The following MCPH1 variants were observed in gnomAD, a reference collection of about 807,000 sequenced individuals.
The protein encoded by MCPH1 is microcephalin.
MCPH1 carries 104 observed loss-of-function variants against 84.5 expected under a neutral mutation model. The ratio of observed to expected loss-of-function variants is 1.23; its 90% CI spans 1.05 to 1.45. The LOEUF is 1.45. MCPH1 is among the 40% of genes most tolerant of loss of function. The probability of loss-of-function intolerance (pLI) is 0.00; values close to 1 mark genes in which losing one functional copy is unlikely to be tolerated. For missense variants in MCPH1, 1,498 were observed against 1,005.7 expected (o/e 1.49, Z -6.62); for synonymous variants, 514 against 366.8 (o/e 1.40, Z -4.58).
chr8:6,524,394 C>T (rs1817947570), intron 12 of MCPH1, among the ~76,000 whole-genome samples: 1 of 152,210 alleles, frequency 6.6e-6, no homozygotes, highest in African/African-American at 2.4e-5. Context: ...AGCAGAGAAA[C>T]ATTATTTTCC....
At chr8:6,449,011 C>G (rs562842229) in intron 8 of MCPH1, among the ~76,000 whole-genome samples, 68 of 152,190 alleles carry the variant, frequency 4.5e-4, no homozygotes, top group African/African-American at 1.6e-3. Flanking sequence ...GGAATAATAA[C>G]ATTTCATTTA....
intron 12 of MCPH1, among the ~76,000 whole-genome samples, chr8:6,541,494 G>A (rs1388762350): frequency 6.6e-6 from 1 of 152,170 alleles, no homozygotes; most frequent in African/African-American, 2.4e-5. Context: ...GGAAACCAAA[G>A]CCAGGGTTGT....
chr8:6,519,617 T>C (rs1318687811), intron 12 of MCPH1, among the ~76,000 whole-genome samples: 1 of 152,218 alleles, frequency 6.6e-6, no homozygotes, highest in Non-Finnish European at 1.5e-5. Context: ...GGAGAATGTA[T>C]TTCTTGCCGA....
intron 3 of MCPH1, among the ~76,000 whole-genome samples, chr8:6,428,099 T>A (rs954471053): frequency 1.1e-4 from 17 of 152,142 alleles, no homozygotes; most frequent in Non-Finnish European, 2.1e-4. Flanking sequence ...TATTTTTTTT[T>A]TATTTGGCCT....
At chr8:6,433,874 C>A (rs543975805) in intron 4 of MCPH1, among the ~76,000 whole-genome samples, 1 of 152,168 alleles carries the variant, frequency 6.6e-6, no homozygotes, top group Admixed American at 6.5e-5. Flanking sequence ...CTGTCTCCCC[C>A]CTCACCCTGT....
intron 6 of MCPH1, among the ~76,000 whole-genome samples, chr8:6,441,747 A>G (rs1447216119): frequency 6.6e-6 from 1 of 152,220 alleles, no homozygotes; most frequent in African/African-American, 2.4e-5. Flanking sequence ...GTGTCCAGAC[A>G]TTACCAAATA....
intron 12 of MCPH1, among the ~76,000 whole-genome samples, chr8:6,567,462 G>T (rs2959771): frequency 0.061 from 9,326 of 152,278 alleles, 804 homozygotes; most frequent in African/African-American, 0.19. Flanking sequence ...CTGCTTACAG[G>T]GGCTTACTAA....
chr8:6,519,907 C>G, intron 12 of MCPH1: 2 of 1,612,024 alleles, frequency 1.2e-6, no homozygotes, highest in Non-Finnish European at 1.7e-6. Flanking sequence ...CGTGTAGATG[C>G]CATTCGTGGT....
chr8:6,432,023 C>T (rs1801912871), intron 4 of MCPH1, among the ~76,000 whole-genome samples: 1 of 152,232 alleles, frequency 6.6e-6, no homozygotes, highest in Non-Finnish European at 1.5e-5. Context: ...TCATTATCCA[C>T]AGAGGATCAG....
At chr8:6,513,494 G>A (rs923976620) in intron 12 of MCPH1, among the ~76,000 whole-genome samples, 2 of 151,880 alleles carry the variant, frequency 1.3e-5, no homozygotes, top group African/African-American at 2.4e-5. Context: ...CACCACACCT[G>A]GCTAATTTTT....
chr8:6,498,145 C>G (rs143881707), intron 11 of MCPH1, among the ~76,000 whole-genome samples: 1 of 152,192 alleles, frequency 6.6e-6, no homozygotes, highest in African/African-American at 2.4e-5. Context: ...ATGTAAAAAA[C>G]ACTATTTTCA....
intron 13 of MCPH1, among the ~76,000 whole-genome samples, chr8:6,640,113 T>TGTGTGC (rs1797849618): frequency 6.7e-6 from 1 of 150,244 alleles, no homozygotes; most frequent in Admixed American, 6.7e-5. Flanking sequence ...CGCGTGTGTG[T>TGTGTGC]GTGTGTGCGT....
chr8:6,425,965 A>G (rs971118008), intron 3 of MCPH1, among the ~76,000 whole-genome samples: 1 of 152,194 alleles, frequency 6.6e-6, no homozygotes, highest in African/African-American at 2.4e-5. Context: ...CTTAGGCATA[A>G]TAGTGGTAAA....
Position 6,643,023 on chromosome 8 carries a change from C to T in MCPH1, c.2482C>T (p.Pro828Ser), listed in dbSNP as rs1057091. The T allele has an allele frequency of 0.3, 487,560 of 1,612,652 alleles. 75,303 individuals are homozygous for T. Among genetic ancestry groups the T allele is most frequent in the South Asian group, 0.39 (35,697 of 90,988 alleles). ...CATCACCCAGCACAAGGTCTGTGCC[C>T]CTGAAAACTACCTATTGTCACAATG... ...DSITQHKVCA[P>S]ENYLLSQ The change falls in exon 14 of 14, where the codon CCT becomes TCT. Residue 828 changes from proline to serine, a missense_variant. Coordinates refer to ENST00000344683, the MANE Select transcript of MCPH1 (RefSeq NM_024596.5).
intron 12 of MCPH1, among the ~76,000 whole-genome samples, chr8:6,591,625 G>C (rs1828465507): frequency 6.6e-6 from 1 of 152,190 alleles, no homozygotes; most frequent in Non-Finnish European, 1.5e-5. Flanking sequence ...GTTGGGTGAG[G>C]TACCGTATTC....
At position 6,508,796 on chromosome 8, in the gene MCPH1, A is replaced by G. The variant is rs1287597131; in HGVS notation, c.2214+8867A>G. Reference sequence around the variant, plus strand: ...AAAAAAGTGAAAAACACATTTACCTATATCAAGCTAGTGTGTCTACGTATG... The same window carrying G: ...AAAAAAGTGAAAAACACATTTACCTGTATCAAGCTAGTGTGTCTACGTATG... On this transcript the variant is annotated intron_variant, in intron 12 of 13. Coordinates refer to ENST00000344683, the MANE Select transcript of MCPH1 (RefSeq NM_024596.5). 8 of 1,229,604 alleles carry G rather than the reference A, an allele frequency of 6.5e-6. No individual in the cohort carries two copies. In the African/African-American group the frequency reaches 7.5e-5, roughly 12 times the overall value. 76.2% of individuals were successfully genotyped at this position (1,229,604 alleles called of 1,614,324 possible).
chr8:6,583,986 T>C (rs535049813), intron 12 of MCPH1, among the ~76,000 whole-genome samples: 3 of 152,196 alleles, frequency 2.0e-5, no homozygotes, highest in East Asian at 1.9e-4. Flanking sequence ...ACAAATGTGA[T>C]TGTGCTTCGA....
chr8:6,471,724 GT>G (rs1807746338), intron 9 of MCPH1, among the ~76,000 whole-genome samples: 1 of 152,148 alleles, frequency 6.6e-6, no homozygotes. Context: ...TCTTCCCCTG[GT>G]GGGGTCTCAG....
chr8:6,415,354 C>CTTGG (rs1476193869), intron 3 of MCPH1, among the ~76,000 whole-genome samples: 1 of 147,264 alleles, frequency 6.8e-6, no homozygotes, highest in Non-Finnish European at 1.5e-5. Flanking sequence ...GTAGCTGGAT[C>CTTGG]TTGGGTCACT....
Sources: allele counts gnomAD v4.1 joint callset (sites outside exome capture counted in the v4.1 genomes callset), GRCh38; gene constraint gnomAD v4.1.1; transcripts MANE v1.5; gene names NCBI Gene and HGNC (gene_info 2026-07-23, HGNC 2026-07-21).